GALNT5: variants seen among roughly 807,000 people sequenced by gnomAD.
The protein encoded by GALNT5 is polypeptide N-acetylgalactosaminyltransferase 5.
A neutral mutation model predicts 85.4 loss-of-function variants in GALNT5; 72 were observed. That is an observed-to-expected ratio of 0.84 (90% CI 0.70 to 1.03). GALNT5 has a LOEUF of 1.03. Among genes scored for constraint, GALNT5 ranks in the 50% least tolerant of loss-of-function variants. GALNT5 has a pLI of 0.00. For synonymous variants in GALNT5, 404 were observed against 397.0 expected, an observed-to-expected ratio of 1.02 and a Z score of -0.21; for missense variants, 1,137 against 1,135.5, an observed-to-expected ratio of 1.00 and a Z score of -0.02.
At chr2:157,271,706 G>C (rs1682589178) in intron 1 of GALNT5, among the ~76,000 whole-genome samples, 1 of 152,144 alleles carries the variant, frequency 6.6e-6, no homozygotes, top group Non-Finnish European at 1.5e-5. Flanking sequence ...GGGTTGAGTG[G>C]GGTGAAGTCA....
chr2:157,261,065 A>G (rs1395083290), intron 1 of GALNT5, among the ~76,000 whole-genome samples: 3 of 152,116 alleles, frequency 2.0e-5, no homozygotes, highest in African/African-American at 4.8e-5. Context: ...GGATCCTAAA[A>G]ATTGTGTTGG....
intron 3 of GALNT5, among the ~76,000 whole-genome samples, chr2:157,286,777 C>T (rs527867563): frequency 6.6e-6 from 1 of 152,296 alleles, no homozygotes; most frequent in South Asian, 2.1e-4. Context: ...GCTGGGATTA[C>T]AGGCCTCAAA....
At chr2:157,307,857 T>C (rs1683487257) in intron 8 of GALNT5, among the ~76,000 whole-genome samples, 1 of 152,164 alleles carries the variant, frequency 6.6e-6, no homozygotes, top group African/African-American at 2.4e-5. Context: ...TAGACAATAG[T>C]AGGTTGTAAA....
intron 1 of GALNT5, among the ~76,000 whole-genome samples, chr2:157,260,907 C>T (rs1682323101): frequency 6.6e-6 from 1 of 152,172 alleles, no homozygotes; most frequent in Non-Finnish European, 1.5e-5. Flanking sequence ...GAGGAGAATG[C>T]AGACATACTC....
chr2:157,270,645 A>C (rs1682563214), intron 1 of GALNT5, among the ~76,000 whole-genome samples: 1 of 152,222 alleles, frequency 6.6e-6, no homozygotes, highest in Admixed American at 6.5e-5. Flanking sequence ...TGCATTCAAT[A>C]CATATTTATC....
At chr2:157,276,553 G>A (rs866978761) in intron 1 of GALNT5, among the ~76,000 whole-genome samples, 11 of 152,258 alleles carry the variant, frequency 7.2e-5, no homozygotes, top group Middle Eastern at 3.4e-3. Context: ...TTAGTCTTGG[G>A]AGGGTATATG....
intron 3 of GALNT5, among the ~76,000 whole-genome samples, chr2:157,288,270 A>G (rs11903808): frequency 0.14 from 20,813 of 152,242 alleles, 2,966 homozygotes; most frequent in African/African-American, 0.36. Context: ...AATTTTAAGT[A>G]AGCAACAAAT....
intron 3 of GALNT5, among the ~76,000 whole-genome samples, chr2:157,294,650 G>A (rs1334764164): frequency 1.3e-5 from 2 of 152,092 alleles, no homozygotes; most frequent in Admixed American, 6.6e-5. Context: ...TGAGAAAGCA[G>A]GTTTCCCCCA....
At chr2:157,288,206 G>A (rs1001496550) in intron 3 of GALNT5, among the ~76,000 whole-genome samples, 4 of 152,144 alleles carry the variant, frequency 2.6e-5, no homozygotes, top group African/African-American at 9.7e-5. Flanking sequence ...CCCCATATTT[G>A]AAGCTCTTCT....
At chr2:157,281,597 A>T (rs1209580685) in intron 1 of GALNT5, among the ~76,000 whole-genome samples, 2 of 151,300 alleles carry the variant, frequency 1.3e-5, no homozygotes, top group Non-Finnish European at 2.9e-5. Context: ...ACAGAGCAAG[A>T]CTCTATTTCA....
At position 157,258,222 on chromosome 2, in the gene GALNT5, A is replaced by C. The variant is rs1682233997; in HGVS notation, c.140A>C (p.Glu47Ala). 6.2e-7 allele frequency: 1 copy of C among 1,613,770 alleles called. No individual in the cohort carries two copies. The highest frequency in any genetic ancestry group is 8.5e-7 in the Non-Finnish European group (1 of 1,179,920). Residue 47 changes from glutamate to alanine, a missense_variant, in exon 1 of 10, where the codon GAA becomes GCA. Physicochemically the swap from Glu to Ala is moderately radical, Grantham distance 107. Transcript: ENST00000259056. ...FSEINTRVIK[E>A]DIVRRERIGF... is the part of the protein sequence containing the mutation. The stretch of plus-strand genomic sequence containing the variant: ...GAGATCAACACTCGGGTCATCAAGG[A>C]AGACATTGTGAGGAGGGAGCGGATA...
chr2:157,291,626 A>ACCC (rs1426477777), intron 3 of GALNT5, among the ~76,000 whole-genome samples: 22 of 67,394 alleles, frequency 3.3e-4, no homozygotes, highest in East Asian at 1.1e-3. Context: ...GTTTTATGTT[A>ACCC]CCACCCACCC....
chr2:157,262,462 C>T (rs886517998), intron 1 of GALNT5, among the ~76,000 whole-genome samples: 13 of 151,932 alleles, frequency 8.6e-5, no homozygotes, highest in Admixed American at 6.6e-4. Context: ...TATAGTGAGA[C>T]CTCATCATTA....
At chr2:157,276,592 A>G (rs1682732310) in intron 1 of GALNT5, among the ~76,000 whole-genome samples, 1 of 151,972 alleles carries the variant, frequency 6.6e-6, no homozygotes. Flanking sequence ...TTTCTTCTAG[A>G]TTTTCTAGTT....
In GALNT5 at chr2:157,296,503, G is replaced by T. The variant is rs1344188062; in HGVS notation, c.1987G>T (p.Asp663Tyr). 1.9e-6 allele frequency: 3 copies of T among 1,608,828 alleles called. No individual in the cohort carries two copies. The highest frequency in any genetic ancestry group is 2.2e-5 in the East Asian group (1 of 44,748). Residue 663 changes from aspartate to tyrosine, a missense_variant, in exon 5 of 10, where the codon GAT becomes TAT. Asp to Tyr is a radical substitution (Grantham distance 160). Transcript: ENST00000259056. ...TGCAAAAAACAGAATTAAAGAAACT[G>T]ATACAATAAGGTAAGTGTGGGAAAT... ...VIAKNRIKET[D>Y]TIRCPVMAGG...
chr2:157,308,434 T>G, intron 8 of GALNT5, 133 bp from the exon 9 acceptor site: 1 of 666,650 alleles, frequency 1.5e-6, no homozygotes, highest in African/African-American at 1.8e-5. Context: ...TTACAAATGA[T>G]AATACCAGGA....
chr2:157,300,622 G>A lies in GALNT5; in HGVS notation c.2116-54G>A, dbSNP rs187875740. On this transcript the variant is annotated intron_variant, in intron 6 of 9. Transcript: ENST00000259056. ...TGGTTTCTTGTCATTGTTAAGTGCC[G>A]ATGATTTGTGGATAATCATTTGATA... 475 of 1,379,408 alleles carry A rather than the reference G, an allele frequency of 3.4e-4. No homozygotes were observed. In the African/African-American group the frequency reaches 5.9e-3, roughly 17 times the overall value. The allele number at this position is 1,379,408 out of a possible 1,614,324, so 85.4% of individuals were successfully genotyped here. A position where few individuals can be genotyped will look rare whatever the true frequency, so the allele number is the denominator to read the frequency against.
rs893478916 is a variant in GALNT5, at chr2:157,305,775, C to T, written c.2466C>T (p.Cys822=). The T allele has an allele frequency of 1.2e-6, 2 of 1,606,616 alleles. No homozygotes were observed. Among genetic ancestry groups the T allele is most frequent in the Non-Finnish European group, 8.5e-7 (1 of 1,173,532 alleles). ...GVLINVALGK[C]ISIENTTVIL... ...TTATTAATGTGGCTTTGGGTAAATGCATTTCCATTGAAAACACTACAGTCA... is the reference window on the plus strand; with the variant it reads ...TTATTAATGTGGCTTTGGGTAAATGTATTTCCATTGAAAACACTACAGTCA... Residue 822 remains cysteine (C), a synonymous_variant, in exon 8 of 10, where the codon TGC becomes TGT. Transcript: ENST00000259056.
chr2:157,266,063 TCA>T (rs1179979296), intron 1 of GALNT5, among the ~76,000 whole-genome samples: 1 of 152,228 alleles, frequency 6.6e-6, no homozygotes, highest in Non-Finnish European at 1.5e-5. Flanking sequence ...AGCTGAGGTT[TCA>T]GATAATAGCA....
Sources: gnomAD v4.1 joint callset for allele counts (sites outside exome capture counted in the v4.1 genomes callset) on GRCh38, gnomAD v4.1.1 for gene constraint, MANE v1.5 for transcripts, NCBI Gene and HGNC (gene_info 2026-07-23, HGNC 2026-07-21) for gene names.